The following YEATS2 variants were observed in gnomAD, a reference collection of about 807,000 sequenced individuals.
YEATS2 encodes the protein YEATS domain containing 2.
In YEATS2, 77 loss-of-function variants were observed where a neutral mutation model predicts 163.2. The ratio of observed to expected loss-of-function variants is 0.47; its 90% CI spans 0.39 to 0.57. The LOEUF is 0.57. Among genes scored for constraint, YEATS2 ranks in the 20% least tolerant of loss-of-function variants. The pLI is 0.00. For synonymous variants in YEATS2, 631 were observed against 645.1 expected (o/e 0.98, Z 0.33); for missense variants, 1,549 against 1,729.8 (o/e 0.90, Z 1.85).
In YEATS2 at chr3:183,713,076, C is replaced by T. The variant is rs139640326; in HGVS notation, c.-19-2068C>T. Among the ~76,000 whole-genome samples the T allele has an allele frequency of 4.1e-3, 616 of 152,078 alleles. 3 individuals carry two copies. The highest frequency in any genetic ancestry group is 0.014 in the African/African-American group (583 of 41,500). ...TTGCCTGTACATGGCCTGTACAGGC[C>T]GCTAATACAAATTAAGATGTCCTGT... On this transcript the variant is annotated intron_variant, in intron 1 of 30. Coordinates refer to ENST00000305135, the MANE Select transcript of YEATS2 (RefSeq NM_018023.5).
intron 25 of YEATS2, chr3:183,802,910 A>C (rs545701390): frequency 4.8e-6 from 1 of 206,680 alleles, no homozygotes; most frequent in African/African-American, 2.3e-5. Context: ...AGCCTGGGTG[A>C]CAAAGTGAGA....
intron 8 of YEATS2, among the ~76,000 whole-genome samples, chr3:183,746,655 A>AC (rs1239875544): frequency 1.6e-5 from 2 of 125,216 alleles, no homozygotes; most frequent in Non-Finnish European, 3.4e-5. Context: ...ACCTAAAATT[A>AC]CCTTTTTTTT....
At chr3:183,790,525 G>A (rs1724519945) in intron 20 of YEATS2, among the ~76,000 whole-genome samples, 1 of 152,162 alleles carries the variant, frequency 6.6e-6, no homozygotes, top group Non-Finnish European at 1.5e-5. Context: ...TTTATAAAGG[G>A]ATATAATAGG....
intron 9 of YEATS2, among the ~76,000 whole-genome samples, chr3:183,751,567 T>TC (rs1190754733): frequency 6.6e-6 from 1 of 152,112 alleles, no homozygotes; most frequent in African/African-American, 2.4e-5. Context: ...TCCTTCAGAG[T>TC]CAAATTCTTA....
intron 15 of YEATS2, among the ~76,000 whole-genome samples, chr3:183,763,322 A>G (rs1167606698): frequency 6.6e-6 from 1 of 152,242 alleles, no homozygotes; most frequent in East Asian, 1.9e-4. Context: ...GTAATAGAAC[A>G]ATAAGTATTT....
intron 9 of YEATS2, among the ~76,000 whole-genome samples, chr3:183,750,076 G>C (rs959652458): frequency 6.6e-6 from 1 of 151,398 alleles, no homozygotes; most frequent in Non-Finnish European, 1.5e-5. Flanking sequence ...TGCCTGCCTC[G>C]GCCTCCCAAA....
At chr3:183,808,622 G>A (rs917248070) in intron 29 of YEATS2, 5 of 171,756 alleles carry the variant, frequency 2.9e-5, no homozygotes, top group South Asian at 1.4e-4. Context: ...TTGGGAGGCC[G>A]AGGCGGGTGG....
At chr3:183,719,146 T>C (rs1716229949) in intron 4 of YEATS2, among the ~76,000 whole-genome samples, 1 of 151,510 alleles carries the variant, frequency 6.6e-6, no homozygotes, top group Admixed American at 6.6e-5. Context: ...CTAAGTAATA[T>C]TTTTTCCTTT....
chr3:183,717,518 G>T (rs1716022404), intron 2 of YEATS2, 133 bp from the exon 3 acceptor site: 1 of 601,154 alleles, frequency 1.7e-6, no homozygotes, highest in Non-Finnish European at 2.8e-6. Context: ...TCATCACTTG[G>T]TTAAGGTGAT....
intron 18 of YEATS2, among the ~76,000 whole-genome samples, chr3:183,776,901 A>G (rs866179465): frequency 6.6e-6 from 1 of 151,942 alleles, no homozygotes; most frequent in South Asian, 2.1e-4. Flanking sequence ...GCAGTGAGCC[A>G]AGATCACTCC....
rs1314522697 is a variant in YEATS2 at position 183,811,467 on chromosome 3, G to A, written c.*884G>A. On this transcript the variant is annotated 3_prime_UTR_variant, in exon 31 of 31. Transcript: ENST00000305135. Reference sequence around the variant, plus strand: ...GCGGCGCCCGGCAGGCTCTTCTGGGGTCGTCTGTCCTATCCGTGGATTGTA... The same window carrying A: ...GCGGCGCCCGGCAGGCTCTTCTGGGATCGTCTGTCCTATCCGTGGATTGTA... 2 of 152,712 alleles carry A rather than the reference G, an allele frequency of 1.3e-5. No individual in the cohort carries two copies. Among genetic ancestry groups the A allele is most frequent in the African/African-American group, 4.8e-5 (2 of 41,456 alleles). 9.5% of individuals were successfully genotyped at this position (152,712 alleles called of 1,614,324 possible). A position where few individuals can be genotyped will look rare whatever the true frequency, so the allele number is the denominator to read the frequency against.
intron 29 of YEATS2, 83 bp from the exon 30 acceptor site, chr3:183,809,013 TG>T (rs1483773261): frequency 1.4e-6 from 2 of 1,423,178 alleles, no homozygotes; most frequent in East Asian, 4.6e-5. Flanking sequence ...TTCAAACATT[TG>T]GGGTAAGGGA....
intron 8 of YEATS2, among the ~76,000 whole-genome samples, chr3:183,746,964 T>C (rs548154751): frequency 1.8e-3 from 271 of 152,312 alleles, no homozygotes; most frequent in Non-Finnish European, 3.3e-3. Flanking sequence ...TGCATGTTTA[T>C]ATTGTTATCA....
intron 15 of YEATS2, among the ~76,000 whole-genome samples, chr3:183,764,396 A>T (rs1721691026): frequency 6.9e-6 from 1 of 145,618 alleles, no homozygotes; most frequent in African/African-American, 2.5e-5. Context: ...AAAAAAAGAT[A>T]TCATATAGAT....
At chr3:183,733,310 TTTC>T (rs1718000364) in intron 7 of YEATS2, among the ~76,000 whole-genome samples, 1 of 152,250 alleles carries the variant, frequency 6.6e-6, no homozygotes, top group Non-Finnish European at 1.5e-5. Flanking sequence ...CATAATCCCT[TTTC>T]TTTGTACAGT....
intron 12 of YEATS2, among the ~76,000 whole-genome samples, chr3:183,757,094 C>T (rs1720851513): frequency 1.3e-5 from 2 of 152,010 alleles, no homozygotes; most frequent in Non-Finnish European, 2.9e-5. Flanking sequence ...TTATTTTCTT[C>T]AAGGAAGACC....
intron 1 of YEATS2, among the ~76,000 whole-genome samples, chr3:183,708,894 G>T (rs1714896533): frequency 6.6e-6 from 1 of 152,002 alleles, no homozygotes; most frequent in Non-Finnish European, 1.5e-5. Context: ...AGGCGCGGTG[G>T]CTCACACTTG....
chr3:183,704,290 A>C (rs1008215450), intron 1 of YEATS2, among the ~76,000 whole-genome samples: 4 of 148,610 alleles, frequency 2.7e-5, no homozygotes, highest in Non-Finnish European at 4.4e-5. Context: ...TGCTGGCAAT[A>C]AAACTTTCCA....
chr3:183,806,798 T>TA, intron 27 of YEATS2, 68 bp from the exon 28 acceptor site: 1 of 1,547,024 alleles, frequency 6.5e-7, no homozygotes, highest in South Asian at 1.2e-5. Context: ...ACCATGGGTC[T>TA]CTTGGAGACG....
Sources: gnomAD v4.1 joint callset for allele counts (sites outside exome capture counted in the v4.1 genomes callset) on GRCh38, gnomAD v4.1.1 for gene constraint, MANE v1.5 for transcripts, NCBI Gene and HGNC (gene_info 2026-07-23, HGNC 2026-07-21) for gene names.